FMN1: variants seen among roughly 807,000 people sequenced by gnomAD.
The protein encoded by FMN1 is formin 1.
FMN1 carries 110 observed loss-of-function variants against 132.4 expected under a neutral mutation model. The ratio of observed to expected loss-of-function variants is 0.83; its 90% CI spans 0.71 to 0.97. The LOEUF (loss-of-function observed/expected upper bound fraction) is 0.97. FMN1 is among the 50% of genes least tolerant of loss of function. FMN1 has a pLI of 0.00. For missense variants in FMN1, 1,792 were observed against 1,705.3 expected, an observed-to-expected ratio of 1.05 and a Z score of -0.90; for synonymous variants, 722 against 651.7, an observed-to-expected ratio of 1.11 and a Z score of -1.64.
chr15:32,894,312 C>T (rs530503029), intron 15 of FMN1, among the ~76,000 whole-genome samples: 1 of 152,022 alleles, frequency 6.6e-6, no homozygotes, highest in East Asian at 1.9e-4. Context: ...TAGTGAAACC[C>T]CGTTTCTGCT....
rs1480481976 is a variant in FMN1 at position 32,767,962 on chromosome 15, T to C, written c.*6348A>G. 1 of 152,122 alleles carries C rather than the reference T, an allele frequency of 6.6e-6. No individual in the cohort carries two copies. Among genetic ancestry groups the C allele is most frequent in the African/African-American group, 2.4e-5 (1 of 41,428 alleles). 9.4% of individuals were successfully genotyped at this position (152,122 alleles called of 1,614,324 possible). ...CCTTGTGGTCCAATGTATGAAGAAA[T>C]AAGATTTTATCTAGAGACAAGTTAG... On this transcript the variant is annotated 3_prime_UTR_variant, in exon 21 of 21. Coordinates refer to ENST00000616417, the MANE Select transcript of FMN1 (RefSeq NM_001277313.2).
chr15:32,816,029 G>A (rs1258792), intron 17 of FMN1, among the ~76,000 whole-genome samples: 1 of 152,108 alleles, frequency 6.6e-6, no homozygotes, highest in Admixed American at 6.5e-5. Context: ...AAGGTGCTCG[G>A]CCATGGCACC....
intron 15 of FMN1, among the ~76,000 whole-genome samples, chr15:32,890,245 ATC>A (rs1367459430): frequency 6.6e-6 from 1 of 152,206 alleles, no homozygotes; most frequent in African/African-American, 2.4e-5. Context: ...ACGTGCAAGT[ATC>A]TTTTTCATAT....
chr15:33,013,644 C>T (rs983487903), intron 6 of FMN1, among the ~76,000 whole-genome samples: 2 of 152,146 alleles, frequency 1.3e-5, no homozygotes, highest in Non-Finnish European at 2.9e-5. Flanking sequence ...TTCGTTTCCT[C>T]AAATATCAAT....
rs182182148 is a variant in FMN1, at chr15:32,913,028, G to C, written c.3227-2493C>G. Among the ~76,000 whole-genome samples the C allele has an allele frequency of 1.7e-3, 252 of 152,270 alleles. 1 individual carries two copies. The highest frequency in any genetic ancestry group is 6.8e-3 in the Middle Eastern group (2 of 294). ...CCCCTTTAACATCTGGAAAGAGTTA[G>C]AGAAAGAAAACTACAACTACTGAGT... On this transcript the variant is annotated intron_variant, in intron 10 of 20. Coordinates refer to ENST00000616417, the MANE Select transcript of FMN1 (RefSeq NM_001277313.2).
chr15:32,903,008 T>C (rs16960803), intron 12 of FMN1, among the ~76,000 whole-genome samples: 9,176 of 152,302 alleles, frequency 0.06, 305 homozygotes, highest in East Asian at 0.12. Flanking sequence ...AAAATGGTTT[T>C]ACATAGGAAC....
At chr15:32,844,132 G>T (rs984125003) in intron 17 of FMN1, among the ~76,000 whole-genome samples, 1 of 124,664 alleles carries the variant, frequency 8.0e-6, no homozygotes, top group Admixed American at 9.1e-5. Flanking sequence ...CTCAATAAAT[G>T]GAAAAGCAAA....
At chr15:32,931,834 T>C (rs2061126134) in intron 9 of FMN1, among the ~76,000 whole-genome samples, 1 of 152,238 alleles carries the variant, frequency 6.6e-6, no homozygotes, top group African/African-American at 2.4e-5. Context: ...TTTGAACTTT[T>C]AGCATATGGT....
At chr15:32,926,832 T>C (rs1296316417) in intron 9 of FMN1, among the ~76,000 whole-genome samples, 1 of 152,176 alleles carries the variant, frequency 6.6e-6, no homozygotes, top group Non-Finnish European at 1.5e-5. Context: ...TCACCTAGGC[T>C]GGAGTGCAGT....
At chr15:33,033,464 C>G (rs2036041223) in intron 6 of FMN1, among the ~76,000 whole-genome samples, 1 of 152,122 alleles carries the variant, frequency 6.6e-6, no homozygotes, top group Admixed American at 6.5e-5. Flanking sequence ...CCTATCAAAC[C>G]CAACCCCTTT....
chr15:33,172,388 A>G (rs887278063), intron 3 of FMN1, among the ~76,000 whole-genome samples: 1 of 152,206 alleles, frequency 6.6e-6, no homozygotes, highest in Non-Finnish European at 1.5e-5. Flanking sequence ...AGCAGAGACC[A>G]TTGGTATACT....
At position 32,765,892 on chromosome 15, in the gene FMN1, A is replaced by T. The variant is rs1236276919; in HGVS notation, c.*8418T>A. 1 of 152,198 alleles carries T rather than the reference A, an allele frequency of 6.6e-6. No homozygotes were observed. Among genetic ancestry groups the T allele is most frequent in the Non-Finnish European group, 1.5e-5 (1 of 68,038 alleles). 9.4% of individuals were successfully genotyped at this position (152,198 alleles called of 1,614,324 possible). On this transcript the variant is annotated 3_prime_UTR_variant, in exon 21 of 21. Transcript: ENST00000616417. ...AAAATAAATACTTCATTTGGTTGCA[A>T]ATGACATTTATAAATTCAACTCATG...
intron 7 of FMN1, among the ~76,000 whole-genome samples, chr15:32,975,764 C>A (rs1256699320): frequency 5.9e-5 from 9 of 152,070 alleles, no homozygotes; most frequent in Admixed American, 5.9e-4. Context: ...ATATCATAAA[C>A]CACCCGGTAG....
intron 6 of FMN1, chr15:33,012,629 AC>A: frequency 1.1e-6 from 1 of 940,956 alleles, no homozygotes; most frequent in Non-Finnish European, 1.7e-6. Context: ...ACTGCAAATG[AC>A]CACAACTGTG....
chr15:32,873,122 T>C (rs1049404083), intron 16 of FMN1, among the ~76,000 whole-genome samples: 1 of 152,156 alleles, frequency 6.6e-6, no homozygotes, highest in Non-Finnish European at 1.5e-5. Context: ...AAAATCCTAT[T>C]CCAGCTAAAA....
At chr15:32,996,085 C>G (rs75739436) in intron 7 of FMN1, among the ~76,000 whole-genome samples, 1 of 152,186 alleles carries the variant, frequency 6.6e-6, no homozygotes, top group Non-Finnish European at 1.5e-5. Context: ...ATAATAAACA[C>G]AATAGTTATG....
rs1429089936 is a variant in FMN1, at chr15:32,777,585, CAT to C, written c.4131-668_4131-667del. 1.7e-4 allele frequency among the ~76,000 whole-genome samples: 18 copies of C among 103,456 alleles called. 1 individual carries two copies. Among genetic ancestry groups the C allele is most frequent in the Non-Finnish European group, 2.6e-4 (12 of 45,738 alleles). The allele number at this position is 103,456 out of a possible 152,430, so 67.9% of individuals were successfully genotyped here. A position where few individuals can be genotyped will look rare whatever the true frequency, so the allele number is the denominator to read the frequency against. On this transcript the variant is annotated intron_variant, in intron 19 of 20. Transcript: ENST00000616417. ...ATAACACTTTATATATTACGTATAA[CAT>C]ATAACACTTTATATATTACGTATAA...
intron 16 of FMN1, among the ~76,000 whole-genome samples, chr15:32,862,157 T>C (rs1003075906): frequency 1.3e-5 from 2 of 152,112 alleles, no homozygotes; most frequent in Non-Finnish European, 2.9e-5. Flanking sequence ...TAATTAATGA[T>C]GACACCGGAG....
chr15:33,092,085 G>A (rs555044560), intron 4 of FMN1, among the ~76,000 whole-genome samples: 38 of 152,216 alleles, frequency 2.5e-4, no homozygotes, highest in Non-Finnish European at 4.7e-4. Context: ...AGCTGACCAC[G>A]GTTAATACAA....
Sources: gnomAD v4.1 joint callset for allele counts (sites outside exome capture counted in the v4.1 genomes callset) on GRCh38, gnomAD v4.1.1 for gene constraint, MANE v1.5 for transcripts, NCBI Gene and HGNC (gene_info 2026-07-23, HGNC 2026-07-21) for gene names.